The following DNM2 variants were observed in gnomAD, a reference collection of about 807,000 sequenced individuals.
DNM2 encodes the protein dynamin 2, also known as dynamin-2.
A neutral mutation model predicts 99.0 loss-of-function variants in DNM2; 15 were observed. The ratio of observed to expected loss-of-function variants is 0.15; its 90% CI spans 0.10 to 0.23. The LOEUF is 0.23. DNM2 is among the 10% of genes least tolerant of loss of function. DNM2 has a pLI of 1.00. For synonymous variants in DNM2, 525 were observed against 481.2 expected (o/e 1.09, Z -1.19); for missense variants, 742 against 1,189.4 (o/e 0.62, Z 5.53).
At chr19:10,780,657 G>T (rs957382408) in intron 5 of DNM2, among the ~76,000 whole-genome samples, 2 of 152,156 alleles carry the variant, frequency 1.3e-5, no homozygotes, top group African/African-American at 4.8e-5. Flanking sequence ...GCTAGGCGTG[G>T]TGGCTCATGC....
intron 18 of DNM2, 72 bp from the exon 19 acceptor site, chr19:10,828,964 T>C (rs777819303): frequency 2.7e-5 from 41 of 1,500,428 alleles, no homozygotes; most frequent in Non-Finnish European, 3.7e-5. Flanking sequence ...GAGAGATGTT[T>C]TTCCAGCAGT....
intron 1 of DNM2, among the ~76,000 whole-genome samples, chr19:10,722,622 C>T (rs933472874): frequency 1.3e-5 from 2 of 151,940 alleles, no homozygotes; most frequent in Non-Finnish European, 2.9e-5. Flanking sequence ...GGATTACAGG[C>T]GTGAGCCACC....
At chr19:10,787,281 G>A (rs994376748) in intron 7 of DNM2, among the ~76,000 whole-genome samples, 4 of 151,866 alleles carry the variant, frequency 2.6e-5, no homozygotes, top group South Asian at 2.1e-4. Context: ...CCTGGCTAAC[G>A]TGGTGAAACC....
intron 1 of DNM2, among the ~76,000 whole-genome samples, chr19:10,722,453 C>T (rs1294575124): frequency 6.6e-6 from 1 of 152,122 alleles, no homozygotes; most frequent in Non-Finnish European, 1.5e-5. Flanking sequence ...TTAGGCATTC[C>T]CGCACCCTAG....
At chr19:10,784,538 G>A (rs1035122795) in intron 6 of DNM2, among the ~76,000 whole-genome samples, 64 of 152,272 alleles carry the variant, frequency 4.2e-4, no homozygotes, top group African/African-American at 1.5e-3. Flanking sequence ...CTCCTTCCAC[G>A]TGGGGTGCTT....
chr19:10,792,474 T>G (rs1399757416), intron 7 of DNM2, among the ~76,000 whole-genome samples: 2 of 152,234 alleles, frequency 1.3e-5, no homozygotes, highest in African/African-American at 2.4e-5. Flanking sequence ...ACTTTTTTAC[T>G]ATTCACGATG....
intron 1 of DNM2, among the ~76,000 whole-genome samples, chr19:10,747,931 G>C (rs1164564741): frequency 6.6e-6 from 1 of 152,190 alleles, no homozygotes. Context: ...GCAGGAAGAA[G>C]GTTCCAGGCT....
At chr19:10,735,916 G>C (rs2360233) in intron 1 of DNM2, among the ~76,000 whole-genome samples, 15,467 of 152,130 alleles carry the variant, frequency 0.1, 1,218 homozygotes, top group East Asian at 0.37. Context: ...TGTCTGTTCT[G>C]TGACGTTGAT....
chr19:10,801,075 G>T (rs565955436), intron 11 of DNM2, among the ~76,000 whole-genome samples: 1 of 152,340 alleles, frequency 6.6e-6, no homozygotes, highest in South Asian at 2.1e-4. Flanking sequence ...GGAGGCCAAG[G>T]CAGGTGGATT....
chr19:10,759,491 G>C, intron 1 of DNM2: 1 of 578,930 alleles, frequency 1.7e-6, no homozygotes, highest in African/African-American at 1.9e-5. Flanking sequence ...GGGAGTACGG[G>C]GGGTGGGGCA....
rs549733353 is a variant in DNM2, at chr19:10,765,180, G to A, written c.235+5369G>A. On this transcript the variant is annotated intron_variant, in intron 2 of 20. Coordinates refer to ENST00000389253, the MANE Select transcript of DNM2 (RefSeq NM_001005361.3). The surrounding 1 kb of genome is among the most constrained non-coding windows in gnomAD (Gnocchi z 4.4). ...TCACCGTGTTAGCCAGGATGGTCTC[G>A]ATCTCCTGACCTCGTGATCCGCCCA... 6.6e-6 allele frequency among the ~76,000 whole-genome samples: 1 copy of A among 151,934 alleles called. No homozygotes were observed. The highest frequency in any genetic ancestry group is 1.9e-4 in the East Asian group (1 of 5,168).
Position 10,818,755 on chromosome 19 carries a change from C to T in DNM2, c.1672-1225C>T, listed in dbSNP as rs569691709. ...GGGACATGAGAGGAGTTTCCAGAGA[C>T]GGCCCAGGGAGAAGAAGGGCCAGGG... On this transcript the variant is annotated intron_variant, in intron 15 of 20. Coordinates refer to ENST00000389253, the MANE Select transcript of DNM2 (RefSeq NM_001005361.3). The surrounding 1 kb of genome is among the most constrained non-coding windows in gnomAD (Gnocchi z 4.3). Among the ~76,000 whole-genome samples the T allele has an allele frequency of 5.9e-5, 9 of 152,324 alleles. No individual in the cohort carries two copies. The East Asian group carries it at 1.5e-3, about 26-fold the overall frequency.
At chr19:10,769,467 C>T (rs946111685) in intron 2 of DNM2, 1 of 152,266 alleles carries the variant, frequency 6.6e-6, no homozygotes, top group Non-Finnish European at 1.5e-5. Context: ...GCTTTGTAGA[C>T]ACCACACTTG....
At chr19:10,729,158 C>A in intron 1 of DNM2, among the ~76,000 whole-genome samples, 1 of 62,662 alleles carries the variant, frequency 1.6e-5, no homozygotes, top group Non-Finnish European at 2.7e-5. Flanking sequence ...GAGCGAGACT[C>A]CGTCTCAAAA....
chr19:10,770,317 C>T (rs1325918695), intron 2 of DNM2, among the ~76,000 whole-genome samples: 1 of 152,170 alleles, frequency 6.6e-6, no homozygotes, highest in Non-Finnish European at 1.5e-5. Flanking sequence ...TTTTTTTACT[C>T]TTAAAAACGA....
chr19:10,722,920 C>T (rs1056934595), intron 1 of DNM2, among the ~76,000 whole-genome samples: 27 of 152,092 alleles, frequency 1.8e-4, no homozygotes, highest in Non-Finnish European at 4.4e-5. Context: ...AGCCACTGCG[C>T]CCAGCCTCCT....
In DNM2 at chr19:10,772,410, C is replaced by T; in HGVS notation, c.236-69C>T. On this transcript the variant is annotated intron_variant, in intron 2 of 20. Coordinates refer to ENST00000389253, the MANE Select transcript of DNM2 (RefSeq NM_001005361.3). The surrounding 1 kb of genome is among the most constrained non-coding windows in gnomAD (Gnocchi z 4.9). Reference sequence around the variant, plus strand: ...ATTACTTTCATTCAACAAAGCATTTCTCCCCGCAGTCCATGCGCACCCTGC... The same window carrying T: ...ATTACTTTCATTCAACAAAGCATTTTTCCCCGCAGTCCATGCGCACCCTGC... 6.3e-7 allele frequency: 1 copy of T among 1,597,312 alleles called. No individual in the cohort carries two copies. Among genetic ancestry groups the T allele is most frequent in the African/African-American group, 1.3e-5 (1 of 74,772 alleles).
chr19:10,739,346 G>C (rs2069652994), intron 1 of DNM2, among the ~76,000 whole-genome samples: 1 of 152,146 alleles, frequency 6.6e-6, no homozygotes, highest in Non-Finnish European at 1.5e-5. Flanking sequence ...TATATTCACA[G>C]TTGTGTAACC....
At position 10,805,977 on chromosome 19, in the gene DNM2, C is replaced by T. The variant is rs1251327135; in HGVS notation, c.1545+10C>T. 6.2e-7 allele frequency: 1 copy of T among 1,614,032 alleles called. No homozygotes were observed. The highest frequency in any genetic ancestry group is 1.3e-5 in the African/African-American group (1 of 74,926). On this transcript the variant is annotated intron_variant, in intron 13 of 20. Coordinates refer to ENST00000389253, the MANE Select transcript of DNM2 (RefSeq NM_001005361.3). ...AGCCATCCCCAATCAGGTAGCACAC[C>T]CCTCTGCAGTCTCCCGCTCTACCCT...
Sources: gnomAD v4.1 joint callset for allele counts (sites outside exome capture counted in the v4.1 genomes callset) on GRCh38, gnomAD v4.1.1 for gene constraint, Gnocchi (gnomAD v3.1) non-coding constraint, MANE v1.5 for transcripts, NCBI Gene and HGNC (gene_info 2026-07-23, HGNC 2026-07-21) for gene names.